The following SLC10A7 variants were observed in gnomAD, a reference collection of about 807,000 sequenced individuals.
SLC10A7 encodes solute carrier family 10 member 7.
A neutral mutation model predicts 43.2 loss-of-function variants in SLC10A7; 29 were observed. The observed-to-expected ratio is 0.67, with a 90% CI of 0.50 to 0.92. The LOEUF is 0.92. Ranked by LOEUF, SLC10A7 falls within the 40% of genes least tolerant of loss-of-function variation. The pLI, the probability that SLC10A7 is intolerant of heterozygous loss-of-function variation, is 0.00. For missense variants in SLC10A7, 295 were observed against 403.2 expected (o/e 0.73, Z 2.30); for synonymous variants, 152 against 144.8 (o/e 1.05, Z -0.35).
intron 5 of SLC10A7, among the ~76,000 whole-genome samples, chr4:146,360,830 GA>G (rs1318316280): frequency 6.6e-5 from 10 of 152,178 alleles, no homozygotes; most frequent in African/African-American, 1.9e-4. Context: ...TAGCAAGAAA[GA>G]AGTAAACTAG....
At chr4:146,269,930 ATTTTG>A (rs749922048) in intron 10 of SLC10A7, among the ~76,000 whole-genome samples, 14 of 152,192 alleles carry the variant, frequency 9.2e-5, no homozygotes, top group Non-Finnish European at 1.6e-4. Context: ...TTTAATATAC[ATTTTG>A]TTTTGTTTTG....
chr4:146,469,993 G>T (rs1308833915), intron 4 of SLC10A7, among the ~76,000 whole-genome samples: 1 of 152,006 alleles, frequency 6.6e-6, no homozygotes, highest in Non-Finnish European at 1.5e-5. Flanking sequence ...CTTTAAAATA[G>T]AATTTATTAT....
At chr4:146,381,193 C>T (rs1737593703) in intron 5 of SLC10A7, among the ~76,000 whole-genome samples, 3 of 152,156 alleles carry the variant, frequency 2.0e-5, no homozygotes, top group Admixed American at 2.0e-4. Context: ...CTGAGTAAAT[C>T]TGACTCTGGT....
chr4:146,499,738 A>G (rs1736226767), intron 4 of SLC10A7, among the ~76,000 whole-genome samples: 1 of 152,218 alleles, frequency 6.6e-6, no homozygotes, highest in South Asian at 2.1e-4. Flanking sequence ...TCATGAAGCT[A>G]TACAATATAA....
chr4:146,475,492 T>C (rs1218334557), intron 4 of SLC10A7, among the ~76,000 whole-genome samples: 1 of 152,208 alleles, frequency 6.6e-6, no homozygotes, highest in African/African-American at 2.4e-5. Flanking sequence ...ATCATTTTTG[T>C]TCCCCAAACA....
At chr4:146,368,860 A>C (rs1736573533) in intron 5 of SLC10A7, among the ~76,000 whole-genome samples, 2 of 152,212 alleles carry the variant, frequency 1.3e-5, no homozygotes, top group Admixed American at 1.3e-4. Context: ...CAAAGACACT[A>C]TAGTCTATGA....
intron 4 of SLC10A7, among the ~76,000 whole-genome samples, chr4:146,467,914 T>C (rs2149954969): frequency 6.6e-6 from 1 of 152,284 alleles, no homozygotes. Flanking sequence ...GATGTGATGA[T>C]GCCTAATGTG....
At chr4:146,441,593 G>T in intron 5 of SLC10A7, 1 of 761,516 alleles carries the variant, frequency 1.3e-6, no homozygotes, top group Non-Finnish European at 1.6e-6. Context: ...ACAACGTATA[G>T]AATAATACTT....
At position 146,281,806 on chromosome 4, in the gene SLC10A7, T is replaced by A. The variant is rs116862074; in HGVS notation, c.847+1386A>T. On this transcript the variant is annotated intron_variant, in intron 10 of 11. Transcript: ENST00000335472. ...AACTAACATAGTTATTAGTAATCAA[T>A]AAGAATAGCTACACCTTATAGAGTA... Among the ~76,000 whole-genome samples the A allele has an allele frequency of 2.7e-4, 41 of 152,258 alleles. No homozygotes were observed. The East Asian group carries it at 7.7e-3, about 29-fold the overall frequency.
At chr4:146,274,200 CTTT>C (rs35963098) in intron 10 of SLC10A7, among the ~76,000 whole-genome samples, 3 of 118,534 alleles carry the variant, frequency 2.5e-5, no homozygotes, top group African/African-American at 3.3e-5. Context: ...TCAGATTATA[CTTT>C]TTTTTTTTTT....
intron 5 of SLC10A7, among the ~76,000 whole-genome samples, chr4:146,423,308 A>G (rs1030722129): frequency 6.6e-6 from 1 of 152,106 alleles, no homozygotes; most frequent in African/African-American, 2.4e-5. Flanking sequence ...TTTTCTCTGT[A>G]TTGCTTTGAT....
intron 6 of SLC10A7, among the ~76,000 whole-genome samples, chr4:146,322,317 C>G (rs188518834): frequency 7.3e-5 from 11 of 151,698 alleles, no homozygotes; most frequent in Non-Finnish European, 1.3e-4. Context: ...GTGTGCTACA[C>G]CCATTAACTC....
intron 10 of SLC10A7, among the ~76,000 whole-genome samples, chr4:146,264,695 C>A (rs1011243789): frequency 6.6e-6 from 1 of 152,158 alleles, no homozygotes; most frequent in Non-Finnish European, 1.5e-5. Flanking sequence ...ACAGCCCCTG[C>A]AACTCCTACT....
At chr4:146,369,513 A>T (rs1736621525) in intron 5 of SLC10A7, among the ~76,000 whole-genome samples, 2 of 152,154 alleles carry the variant, frequency 1.3e-5, no homozygotes, top group South Asian at 4.2e-4. Flanking sequence ...CTCCCTTTGA[A>T]TATTTCTTTA....
intron 10 of SLC10A7, among the ~76,000 whole-genome samples, chr4:146,261,034 C>A (rs767023726): frequency 2.2e-4 from 34 of 152,358 alleles, no homozygotes; most frequent in Non-Finnish European, 4.3e-4. Flanking sequence ...TCTCTCCCTT[C>A]TTTGGACCCT....
At chr4:146,512,420 G>A (rs1483121509) in intron 2 of SLC10A7, among the ~76,000 whole-genome samples, 3 of 152,140 alleles carry the variant, frequency 2.0e-5, no homozygotes, top group African/African-American at 7.2e-5. Context: ...AAATGTGATT[G>A]TAAACATTTA....
At chr4:146,274,200 CT>C (rs35963098) in intron 10 of SLC10A7, among the ~76,000 whole-genome samples, 21,027 of 118,400 alleles carry the variant, frequency 0.18, 967 homozygotes, top group South Asian at 0.25. Context: ...TCAGATTATA[CT>C]TTTTTTTTTT....
At chr4:146,346,101 T>C (rs964674295) in intron 5 of SLC10A7, among the ~76,000 whole-genome samples, 1 of 152,148 alleles carries the variant, frequency 6.6e-6, no homozygotes, top group Non-Finnish European at 1.5e-5. Context: ...AAAGCATTTA[T>C]GGGCCCAATC....
intron 5 of SLC10A7, among the ~76,000 whole-genome samples, chr4:146,418,419 T>G (rs1489909030): frequency 1.3e-5 from 2 of 152,146 alleles, no homozygotes; most frequent in Non-Finnish European, 2.9e-5. Context: ...TGAATACATA[T>G]AATCCAAATT....
Sources: allele counts gnomAD v4.1 joint callset (sites outside exome capture counted in the v4.1 genomes callset), GRCh38; gene constraint gnomAD v4.1.1; transcripts MANE v1.5; gene names NCBI Gene and HGNC (gene_info 2026-07-23, HGNC 2026-07-21).